The following LZTS1 variants were observed in gnomAD, a reference collection of about 807,000 sequenced individuals.
LZTS1 encodes leucine zipper putative tumor suppressor 1.
LZTS1 carries 31 observed loss-of-function variants against 45.8 expected under a neutral mutation model. The ratio of observed to expected loss-of-function variants is 0.68; its 90% CI spans 0.51 to 0.91. LZTS1 has a LOEUF of 0.91. Ranked by LOEUF, LZTS1 falls within the 40% of genes least tolerant of loss-of-function variation. The pLI, the probability that LZTS1 is intolerant of heterozygous loss-of-function variation, is 0.00. For synonymous variants in LZTS1, 359 were observed against 357.3 expected, an observed-to-expected ratio of 1.00 and a Z score of -0.05; for missense variants, 821 against 788.9, an observed-to-expected ratio of 1.04 and a Z score of -0.49.
At chr8:20,257,974 C>T (rs960415271) in intron 1 of LZTS1, among the ~76,000 whole-genome samples, 2 of 52,308 alleles carry the variant, frequency 3.8e-5, no homozygotes, top group African/African-American at 1.4e-4. Flanking sequence ...GGACTGGGCA[C>T]ATTTTTTTTT....
Position 20,249,634 on chromosome 8 carries a change from G to A in LZTS1, c.*88C>T. The A allele has an allele frequency of 6.8e-7, 1 of 1,478,762 alleles. No individual in the cohort carries two copies. Among genetic ancestry groups the A allele is most frequent in the South Asian group, 1.3e-5 (1 of 75,876 alleles). 91.6% of individuals were successfully genotyped at this position (1,478,762 alleles called of 1,614,324 possible). A position where few individuals can be genotyped will look rare whatever the true frequency, so the allele number is the denominator to read the frequency against. On this transcript the variant is annotated 3_prime_UTR_variant, in exon 4 of 4. Coordinates refer to ENST00000381569, the MANE Select transcript of LZTS1 (RefSeq NM_021020.5). Reference sequence around the variant, plus strand: ...GTCCCAGGGAGTGGCGTCTCTCAGAGGGGTCTGAATTGCTGAGCAGGGGGG... The same window carrying A: ...GTCCCAGGGAGTGGCGTCTCTCAGAAGGGTCTGAATTGCTGAGCAGGGGGG...
At chr8:20,302,931 T>C (rs1000959854) in intron 1 of LZTS1, among the ~76,000 whole-genome samples, 3 of 151,974 alleles carry the variant, frequency 2.0e-5, no homozygotes, top group Non-Finnish European at 4.4e-5. Context: ...CACCTGGCCC[T>C]TGGTGTCTCG....
chr8:20,280,080 C>A (rs982180369), intron 1 of LZTS1, among the ~76,000 whole-genome samples: 2 of 152,074 alleles, frequency 1.3e-5, no homozygotes, highest in African/African-American at 2.4e-5. Flanking sequence ...GTGAAGGAGG[C>A]CTTAGGCCAT....
At chr8:20,253,761 C>T (rs554487702) in intron 2 of LZTS1, among the ~76,000 whole-genome samples, 176 bp from the exon 3 acceptor site, 48 of 152,338 alleles carry the variant, frequency 3.2e-4, no homozygotes, top group African/African-American at 1.1e-3. Flanking sequence ...AGCTGAATGT[C>T]ATCTCTCTTA....
intron 1 of LZTS1, among the ~76,000 whole-genome samples, chr8:20,265,395 G>A (rs1209474326): frequency 1.3e-5 from 2 of 152,064 alleles, no homozygotes; most frequent in Non-Finnish European, 2.9e-5. Context: ...GCTAGGCATG[G>A]TGGCTCATGG....
rs1322704708 is a variant in LZTS1 at position 20,274,074 on chromosome 8, G to A, written c.-134-18759C>T. On this transcript the variant is annotated intron_variant, in intron 1 of 3. Coordinates refer to ENST00000381569, the MANE Select transcript of LZTS1 (RefSeq NM_021020.5). ...TCAGAAGGCACTCTTCTGCTATGAA[G>A]CCTTCCCGTATCTGTGAGGCCCCTT... Among the ~76,000 whole-genome samples the A allele has an allele frequency of 2.0e-5, 3 of 152,132 alleles. No homozygotes were observed. The East Asian group carries it at 5.8e-4, about 29-fold the overall frequency.
intron 1 of LZTS1, among the ~76,000 whole-genome samples, chr8:20,256,973 A>C (rs1037888724): frequency 2.6e-5 from 4 of 152,174 alleles, no homozygotes; most frequent in Admixed American, 2.6e-4. Context: ...AGGAGAAGTG[A>C]AAAAGAGCAG....
In LZTS1 at chr8:20,253,149, C is replaced by T. The variant is rs2128892130; in HGVS notation, c.782G>A (p.Cys261Tyr). 6.2e-7 allele frequency: 1 copy of T among 1,613,270 alleles called. No individual in the cohort carries two copies. Among genetic ancestry groups the T allele is most frequent in the African/African-American group, 1.3e-5 (1 of 75,074 alleles). Reference protein sequence around the residue: ...CVRSPISTDECSIQELEQKLL... With the variant: ...CVRSPISTDEYSIQELEQKLL... The stretch of plus-strand genomic sequence containing the variant: ...CTTCTGCTCCAGCTCCTGGATGCTG[C>T]ACTCGTCCGTGGAGATGGGGGAGCG... Residue 261 changes from cysteine to tyrosine, a missense_variant, in exon 3 of 4, where the codon TGC (cysteine) becomes TAC (tyrosine). Cys to Tyr is a radical substitution (Grantham distance 194). Coordinates refer to ENST00000381569, the MANE Select transcript of LZTS1 (RefSeq NM_021020.5).
intron 3 of LZTS1, 61 bp downstream of exon 3, chr8:20,252,721 G>A (rs1799961271): frequency 1.4e-6 from 2 of 1,418,436 alleles, no homozygotes; most frequent in Admixed American, 2.3e-5. Flanking sequence ...ACCAGAAGGA[G>A]AGGGGGGTAC....
In LZTS1 at chr8:20,253,497, G is replaced by A. The variant is rs780258748; in HGVS notation, c.434C>T (p.Ala145Val). The change falls in exon 3 of 4, where the codon GCC (alanine) becomes GTC (valine). Residue 145 changes from alanine (A) to valine (V), a missense_variant. Ala to Val is a moderately conservative substitution (Grantham distance 64). Coordinates refer to ENST00000381569, the MANE Select transcript of LZTS1 (RefSeq NM_021020.5). Reference protein sequence around the residue: ...GAILHSSPESASHQLHPAPPD... With the variant: ...GAILHSSPESVSHQLHPAPPD... ...AGGGGCGGGGTGCAGCTGGTGGCTG[G>A]CACTCTCCGGGGAGGAGTGCAGGAT... is the stretch of plus-strand genomic sequence containing the variant. The A allele has an allele frequency of 1.3e-6, 2 of 1,584,434 alleles. No individual in the cohort carries two copies. Among genetic ancestry groups the A allele is most frequent in the Non-Finnish European group, 1.7e-6 (2 of 1,167,242 alleles).
At chr8:20,267,105 C>A (rs1800373428) in intron 1 of LZTS1, among the ~76,000 whole-genome samples, 2 of 113,272 alleles carry the variant, frequency 1.8e-5, no homozygotes, top group Non-Finnish European at 3.5e-5. Context: ...GAGACTCCAT[C>A]TCAAAAAAAA....
chr8:20,279,524 A>AC (rs202151803), intron 1 of LZTS1, among the ~76,000 whole-genome samples: 1,913 of 151,782 alleles, frequency 0.013, 44 homozygotes, highest in African/African-American at 0.041. Flanking sequence ...ACATAGTGAG[A>AC]CCCCCCATGT....
chr8:20,255,721 T>C (rs945357973), intron 1 of LZTS1, among the ~76,000 whole-genome samples: 19 of 151,636 alleles, frequency 1.3e-4, no homozygotes, highest in African/African-American at 4.4e-4. Flanking sequence ...TTCTGGGAGG[T>C]GGCTGTTTTA....
intron 2 of LZTS1, among the ~76,000 whole-genome samples, chr8:20,254,166 G>A (rs529148396): frequency 7.2e-5 from 11 of 152,148 alleles, no homozygotes; most frequent in African/African-American, 2.2e-4. Context: ...AATCAAAGCC[G>A]GGGATTCATT....
Position 20,249,558 on chromosome 8 carries a change from G to A in LZTS1, c.*164C>T. 1 of 813,442 alleles carries A rather than the reference G, an allele frequency of 1.2e-6. No individual in the cohort carries two copies. The highest frequency in any genetic ancestry group is 2.7e-5 in the East Asian group (1 of 37,122). 50.4% of individuals were successfully genotyped at this position (813,442 alleles called of 1,614,324 possible). On this transcript the variant is annotated 3_prime_UTR_variant, in exon 4 of 4. Coordinates refer to ENST00000381569, the MANE Select transcript of LZTS1 (RefSeq NM_021020.5). ...AGGGCTGGTGAGCACTGGGACATCA[G>A]AGAGGGAAGGAAAGGCCATCCTGCC...
chr8:20,289,902 C>T (rs1232221022), intron 1 of LZTS1: 1 of 152,206 alleles, frequency 6.6e-6, no homozygotes, highest in African/African-American at 2.4e-5. Context: ...GTCTCAATCC[C>T]ACAGGTGGGA....
intron 1 of LZTS1, among the ~76,000 whole-genome samples, chr8:20,267,803 C>A (rs1236099538): frequency 1.3e-5 from 2 of 152,216 alleles, no homozygotes; most frequent in Non-Finnish European, 2.9e-5. Context: ...GTGTGAGCCA[C>A]TGCGCCCGGC....
chr8:20,278,946 C>T (rs1243718136), intron 1 of LZTS1, among the ~76,000 whole-genome samples: 2 of 152,314 alleles, frequency 1.3e-5, no homozygotes, highest in South Asian at 2.1e-4. Context: ...TGGGTCCCAA[C>T]CCCAATTGCC....
chr8:20,250,690 C>T lies in LZTS1; in HGVS notation c.1150-327G>A, dbSNP rs535096434. Among the ~76,000 whole-genome samples the T allele has an allele frequency of 4.0e-4, 61 of 152,220 alleles. No homozygotes were observed. In the East Asian group the frequency reaches 9.3e-3, roughly 23 times the overall value. Reference sequence around the variant, plus strand: ...CGTGATCTTGGCTCACTGCAACCTCCGCCTCCCCTCTGATTCTCCTGCCTC... The same window carrying T: ...CGTGATCTTGGCTCACTGCAACCTCTGCCTCCCCTCTGATTCTCCTGCCTC... On this transcript the variant is annotated intron_variant, in intron 3 of 3. Coordinates refer to ENST00000381569, the MANE Select transcript of LZTS1 (RefSeq NM_021020.5).
Sources: gnomAD v4.1 joint callset for allele counts (sites outside exome capture counted in the v4.1 genomes callset) on GRCh38, gnomAD v4.1.1 for gene constraint, MANE v1.5 for transcripts, NCBI Gene and HGNC (gene_info 2026-07-23, HGNC 2026-07-21) for gene names.